Variants in ZNF519 observed in about 807,000 individuals in gnomAD.
ZNF519 encodes zinc finger protein 519, also known as similar to Zinc finger protein 85 (Zinc finger protein HPF4) (HTF1).
ZNF519 carries 7 observed loss-of-function variants against 7.4 expected under a neutral mutation model. The ratio of observed to expected loss-of-function variants is 0.94; its 90% CI spans 0.54 to 1.77. The LOEUF (loss-of-function observed/expected upper bound fraction) is 1.77. Among genes scored for constraint, ZNF519 ranks in the 40% most tolerant of loss-of-function variants. ZNF519 has a pLI of 0.00. For synonymous variants in ZNF519, 179 were observed against 203.3 expected, an observed-to-expected ratio of 0.88 and a Z score of 1.02; for missense variants, 586 against 623.1, an observed-to-expected ratio of 0.94 and a Z score of 0.63.
Position 14,105,347 on chromosome 18 carries a change from T to G in ZNF519, c.1193A>C (p.His398Pro). Residue 398 changes from histidine (H) to proline (P), a missense_variant, in exon 3 of 3, where the codon CAT (histidine) becomes CCT (proline). Coordinates refer to ENST00000590202, the MANE Select transcript of ZNF519 (RefSeq NM_145287.4). ...ACACTTGAAAGGTTTCTCTCCAGTA[T>G]GCATTCTCTGATGCTGAGTAACGTA... Reference protein sequence around the residue: ...SSYVTQHQRMHTGEKPFKCKE... With the variant: ...SSYVTQHQRMPTGEKPFKCKE... 4 of 1,614,154 alleles carry G rather than the reference T, an allele frequency of 2.5e-6. No individual in the cohort carries two copies. In the South Asian group the frequency reaches 4.4e-5, roughly 18 times the overall value.
downstream of ZNF519, chr18:14,071,366 A>G (rs1264927322): frequency 6.6e-6 from 1 of 152,152 alleles, no homozygotes; most frequent in Non-Finnish European, 1.5e-5. Flanking sequence ...ATAGATATAC[A>G]TGCATATACA....
chr18:14,092,412 G>A (rs2046118071), intron 2 of ZNF519, among the ~76,000 whole-genome samples: 1 of 152,108 alleles, frequency 6.6e-6, no homozygotes, highest in South Asian at 2.1e-4. Context: ...AGTAATCAGG[G>A]GGATATAAGT....
At chr18:14,107,461 T>C (rs1342957780) in intron 2 of ZNF519, among the ~76,000 whole-genome samples, 1 of 152,180 alleles carries the variant, frequency 6.6e-6, no homozygotes, top group Non-Finnish European at 1.5e-5. Context: ...GAGCTTTCAT[T>C]GGGACTCTGA....
chr18:14,109,552 C>A (rs1411823548), intron 2 of ZNF519, among the ~76,000 whole-genome samples: 1 of 151,792 alleles, frequency 6.6e-6, no homozygotes, highest in Non-Finnish European at 1.5e-5. Flanking sequence ...AAATTAATAA[C>A]CAGAAAAAGT....
intron 3 of ZNF519, among the ~76,000 whole-genome samples, chr18:14,079,384 A>T (rs936682444): frequency 1.3e-5 from 2 of 152,232 alleles, no homozygotes; most frequent in Admixed American, 6.5e-5. Flanking sequence ...AATTCCAGGA[A>T]CTTATTTTGT....
At chr18:14,099,689 G>A (rs1174636819), downstream of ZNF519, among the ~76,000 whole-genome samples, 1 of 151,996 alleles carries the variant, frequency 6.6e-6, no homozygotes, top group Admixed American at 6.6e-5. Flanking sequence ...ACCATCTTCC[G>A]GTTTAAATCT....
chr18:14,087,580 C>A (rs1181843663), intron 2 of ZNF519, among the ~76,000 whole-genome samples: 2 of 152,120 alleles, frequency 1.3e-5, no homozygotes, highest in African/African-American at 4.8e-5. Context: ...ACAGGCAGAA[C>A]TTCCTCAAAT....
At chr18:14,086,577 G>C in intron 2 of ZNF519, among the ~76,000 whole-genome samples, 1 of 152,166 alleles carries the variant, frequency 6.6e-6, no homozygotes, top group South Asian at 2.1e-4. Flanking sequence ...GCTCACTACA[G>C]AGATCCAGCC....
intron 2 of ZNF519, 174 bp downstream of exon 2, chr18:14,124,176 T>C: frequency 1.9e-6 from 1 of 519,622 alleles, no homozygotes; most frequent in South Asian, 3.4e-5. Flanking sequence ...TCTGTCTCAA[T>C]TAAAAAAAAA....
intron 2 of ZNF519, among the ~76,000 whole-genome samples, chr18:14,094,275 A>G (rs1420483727): frequency 6.6e-6 from 1 of 152,186 alleles, no homozygotes; most frequent in Non-Finnish European, 1.5e-5. Flanking sequence ...ACCTCTAAAA[A>G]CATTATGTCT....
Position 14,105,776 on chromosome 18 carries a change from T to C in ZNF519, c.764A>G (p.His255Arg). Residue 255 changes from histidine (H) to arginine (R), a missense_variant, in exon 3 of 3, where the codon CAT becomes CGT. His to Arg is a conservative substitution (Grantham distance 29). Transcript: ENST00000590202. ...TTTTTCTCCAGTGTTAATTATCTTA[T>C]GTCCCTTTAGATGTGATTGACTAAA... is the stretch of plus-strand genomic sequence containing the variant. ...IVFSQSHLKG[H>R]KIINTGEKSV... 1 of 1,613,560 alleles carries C rather than the reference T, an allele frequency of 6.2e-7. No homozygotes were observed. The highest frequency in any genetic ancestry group is 8.5e-7 in the Non-Finnish European group (1 of 1,179,844).
At chr18:14,081,584 C>G (rs892897798) in intron 3 of ZNF519, among the ~76,000 whole-genome samples, 2 of 152,090 alleles carry the variant, frequency 1.3e-5, no homozygotes, top group African/African-American at 4.8e-5. Flanking sequence ...TCTCATGAAA[C>G]TTTTTGTTAT....
Position 14,105,865 on chromosome 18 carries a change from A to G in ZNF519, c.675T>C (p.Thr225=). The change falls in exon 3 of 3, where the codon ACT becomes ACC. Residue 225 remains threonine, a synonymous_variant. Transcript: ENST00000590202. ...GETSDPFSKL[T]QHQRIYIGES... Reference sequence around the variant, plus strand: ...CTCCAATATAAATTCTTTGATGTTGAGTAAGCTTTGAGAATGGGTCAGAAG... The same window carrying G: ...CTCCAATATAAATTCTTTGATGTTGGGTAAGCTTTGAGAATGGGTCAGAAG... 1 of 1,603,190 alleles carries G rather than the reference A, an allele frequency of 6.2e-7. No homozygotes were observed.
At chr18:14,115,818 C>T (rs2046243552) in intron 2 of ZNF519, among the ~76,000 whole-genome samples, 1 of 152,132 alleles carries the variant, frequency 6.6e-6, no homozygotes, top group Non-Finnish European at 1.5e-5. Context: ...AAATACTATA[C>T]AATTTTACTT....
rs1452058538 is a variant in ZNF519 at position 14,102,835 on chromosome 18, T to C, written c.*2082A>G. The C allele has an allele frequency of 6.6e-6, 1 of 152,040 alleles. No homozygotes were observed. Among genetic ancestry groups the C allele is most frequent in the Non-Finnish European group, 1.5e-5 (1 of 68,006 alleles). The allele number at this position is 152,040 out of a possible 1,614,324, so 9.4% of individuals were successfully genotyped here. ...GGGGAAAAAAGCTATATAGTGGTAA[T>C]ATTTTATATCTCATTGGAATTAATA... is the stretch of plus-strand genomic sequence containing the variant. On this transcript the variant is annotated 3_prime_UTR_variant, in exon 3 of 3. Coordinates refer to ENST00000590202, the MANE Select transcript of ZNF519 (RefSeq NM_145287.4).
At chr18:14,096,195 C>T (rs954497781), downstream of ZNF519, among the ~76,000 whole-genome samples, 8 of 152,310 alleles carry the variant, frequency 5.3e-5, no homozygotes, top group South Asian at 2.1e-4. Context: ...TTCTTTCCCC[C>T]GAGTGGGCTG....
downstream of ZNF519, chr18:14,075,132 T>G (rs923963653): frequency 6.6e-6 from 1 of 152,024 alleles, no homozygotes; most frequent in African/African-American, 2.4e-5. Context: ...CCGAGAACAA[T>G]ACAGAAAAGA....
At chr18:14,125,027 A>G (rs565029845) in intron 1 of ZNF519, among the ~76,000 whole-genome samples, 160 of 152,298 alleles carry the variant, frequency 1.1e-3, no homozygotes, top group African/African-American at 3.7e-3. Context: ...AAAATTTTGC[A>G]GGTTTAAAAA....
chr18:14,101,844 C>T lies in ZNF519; in HGVS notation c.*3073G>A, dbSNP rs966578122. ...GCTTGGCTGACCTGGCCTCTTCTGT[C>T]GAGTCTTTCCATTCCCCAAATCAGG... is the stretch of plus-strand genomic sequence containing the variant. On this transcript the variant is annotated 3_prime_UTR_variant, in exon 3 of 3. Coordinates refer to ENST00000590202, the MANE Select transcript of ZNF519 (RefSeq NM_145287.4). 3.8e-5 allele frequency: 15 copies of T among 397,666 alleles called. No individual in the cohort carries two copies. The highest frequency in any genetic ancestry group is 6.2e-5 in the Non-Finnish European group (14 of 225,820). 24.6% of individuals were successfully genotyped at this position (397,666 alleles called of 1,614,324 possible).
Sources: allele counts gnomAD v4.1 joint callset (sites outside exome capture counted in the v4.1 genomes callset), GRCh38; gene constraint gnomAD v4.1.1; transcripts MANE v1.5; gene names NCBI Gene and HGNC (gene_info 2026-07-23, HGNC 2026-07-21).